Variants in STAT5B observed in about 807,000 individuals in gnomAD.
STAT5B encodes the protein transcription factor STAT5B.
In STAT5B, 21 loss-of-function variants were observed where a neutral mutation model predicts 107.8. The ratio of observed to expected loss-of-function variants is 0.19; its 90% CI spans 0.14 to 0.28. The LOEUF is 0.28. Among genes scored for constraint, STAT5B ranks in the 10% least tolerant of loss-of-function variants. The pLI is 1.00. For missense variants in STAT5B, 565 were observed against 1,008.2 expected (o/e 0.56, Z 5.95); for synonymous variants, 325 against 401.7 (o/e 0.81, Z 2.28).
intron 1 of STAT5B, among the ~76,000 whole-genome samples, chr17:42,251,941 GT>G (rs1230764409): frequency 1.3e-5 from 2 of 151,146 alleles, no homozygotes; most frequent in African/African-American, 4.9e-5. Flanking sequence ...GGAGGTTGCA[GT>G]GAGCCGAGAT....
chr17:42,277,468 C>T (rs2080775088), upstream of STAT5B, among the ~76,000 whole-genome samples: 3 of 152,196 alleles, frequency 2.0e-5, no homozygotes, highest in Non-Finnish European at 1.5e-5. Context: ...GCCTTCTCTT[C>T]ACCTCCAGAA....
At chr17:42,260,668 CCCCAAACTGG>C (rs1374560882) in intron 1 of STAT5B, among the ~76,000 whole-genome samples, 2 of 151,868 alleles carry the variant, frequency 1.3e-5, no homozygotes, top group African/African-American at 4.8e-5. Flanking sequence ...TGCTTTGGCT[CCCCAAACTGG>C]CCCAAAATAC....
chr17:42,265,796 T>C lies in STAT5B; in HGVS notation c.-11+10452A>G, dbSNP rs141303880. On this transcript the variant is annotated intron_variant, in intron 1 of 18. Coordinates refer to ENST00000293328, the MANE Select transcript of STAT5B (RefSeq NM_012448.4). ...TGCTCTTATTTTTCAATATTTTTAG[T>C]CTTCATAAATCTGTTAACTGAAAAA... Among the ~76,000 whole-genome samples the C allele has an allele frequency of 2.0e-3, 307 of 152,324 alleles. 1 individual carries two copies. The highest frequency in any genetic ancestry group is 7.1e-3 in the African/African-American group (297 of 41,570).
intron 1 of STAT5B, among the ~76,000 whole-genome samples, chr17:42,242,949 C>T (rs1272126470): frequency 6.6e-6 from 1 of 151,486 alleles, no homozygotes; most frequent in African/African-American, 2.4e-5. Context: ...GAGTCATCAC[C>T]ACTCCCTAAT....
At chr17:42,224,547 G>C (rs1452672828) in intron 4 of STAT5B, among the ~76,000 whole-genome samples, 5 of 152,034 alleles carry the variant, frequency 3.3e-5, no homozygotes, top group South Asian at 4.2e-4. Context: ...TCATCATGTT[G>C]CCCAGGGTGC....
chr17:42,216,692 C>CT (rs1189393108), intron 11 of STAT5B, among the ~76,000 whole-genome samples: 2,493 of 138,546 alleles, frequency 0.018, 76 homozygotes, highest in African/African-American at 0.058. Flanking sequence ...TTGTTCATGT[C>CT]TTTTTTTTTT....
chr17:42,273,183 T>C (rs2080734870), intron 1 of STAT5B, among the ~76,000 whole-genome samples: 1 of 151,816 alleles, frequency 6.6e-6, no homozygotes. Context: ...TTCCCAGAAA[T>C]AAGCATAAAA....
At chr17:42,262,362 G>A (rs992126503) in intron 1 of STAT5B, among the ~76,000 whole-genome samples, 1 of 152,160 alleles carries the variant, frequency 6.6e-6, no homozygotes, top group African/African-American at 2.4e-5. Flanking sequence ...GTCTTGCTAT[G>A]TTGTCCATGC....
At chr17:42,261,300 G>T (rs1038371695) in intron 1 of STAT5B, among the ~76,000 whole-genome samples, 2 of 152,140 alleles carry the variant, frequency 1.3e-5, no homozygotes, top group Non-Finnish European at 2.9e-5. Flanking sequence ...AAAAAGAAGA[G>T]AATGATTTAT....
At chr17:42,260,767 ATTTTAT>A (rs1465699659) in intron 1 of STAT5B, among the ~76,000 whole-genome samples, 1 of 152,116 alleles carries the variant, frequency 6.6e-6, no homozygotes, top group African/African-American at 2.4e-5. Flanking sequence ...GTTAAAATTA[ATTTTAT>A]TTTTACTTTT....
At chr17:42,265,431 T>C (rs984115289) in intron 1 of STAT5B, among the ~76,000 whole-genome samples, 3 of 146,764 alleles carry the variant, frequency 2.0e-5, no homozygotes, top group African/African-American at 7.9e-5. Flanking sequence ...AGTGCAGTAG[T>C]GTGATCTCGG....
At chr17:42,257,592 G>A (rs893758936) in intron 1 of STAT5B, among the ~76,000 whole-genome samples, 1 of 152,134 alleles carries the variant, frequency 6.6e-6, no homozygotes, top group African/African-American at 2.4e-5. Flanking sequence ...TTTATTTACA[G>A]GATAACTTTC....
intron 1 of STAT5B, among the ~76,000 whole-genome samples, chr17:42,236,464 C>T (rs534100409): frequency 3.3e-5 from 5 of 152,280 alleles, no homozygotes; most frequent in East Asian, 3.9e-4. Context: ...TTTTTTGAGA[C>T]GGAGTCTCAC....
intron 16 of STAT5B, among the ~76,000 whole-genome samples, chr17:42,204,462 C>A (rs1435538754): frequency 6.6e-6 from 1 of 152,232 alleles, no homozygotes; most frequent in East Asian, 1.9e-4. Flanking sequence ...TGAAACGCTG[C>A]AGGGTTCACC....
At position 42,216,026 on chromosome 17, in the gene STAT5B, A is replaced by C; in HGVS notation, c.1461T>G (p.Ala487=). 1 of 1,614,084 alleles carries C rather than the reference A, an allele frequency of 6.2e-7. No individual in the cohort carries two copies. Among genetic ancestry groups the C allele is most frequent in the Non-Finnish European group, 8.5e-7 (1 of 1,179,996 alleles). The change falls in exon 12 of 19, where the codon GCT becomes GCG. Residue 487 remains alanine (A), a synonymous_variant. Transcript: ENST00000293328. ...NATATVLWDN[A]FAEPGRVPFA... ...GGAATACACTCACAGGCTCTGCAAA[A>C]GCATTGTCCCAGAGAACAGTGGCCG...
At chr17:42,232,840 G>GTT (rs931007817) in intron 1 of STAT5B, among the ~76,000 whole-genome samples, 78 of 133,296 alleles carry the variant, frequency 5.9e-4, no homozygotes, top group Middle Eastern at 3.8e-3. Context: ...TTAGCAGAGA[G>GTT]TTTTTTTTTT....
chr17:42,224,539 A>G (rs548097321), intron 4 of STAT5B, among the ~76,000 whole-genome samples: 12 of 151,994 alleles, frequency 7.9e-5, no homozygotes, highest in African/African-American at 2.2e-4. Flanking sequence ...ACGGGGTTTC[A>G]TCATGTTGCC....
At chr17:42,273,752 A>G (rs1241961591) in intron 1 of STAT5B, among the ~76,000 whole-genome samples, 1 of 152,238 alleles carries the variant, frequency 6.6e-6, no homozygotes, top group East Asian at 1.9e-4. Flanking sequence ...ACCTACCTAC[A>G]TAACAACAAG....
At chr17:42,252,433 T>C (rs544884090) in intron 1 of STAT5B, among the ~76,000 whole-genome samples, 1 of 152,346 alleles carries the variant, frequency 6.6e-6, no homozygotes, top group Non-Finnish European at 1.5e-5. Context: ...CTGTAAGCCA[T>C]CCTGGAGCAA....
Sources: allele counts gnomAD v4.1 joint callset (sites outside exome capture counted in the v4.1 genomes callset), GRCh38; gene constraint gnomAD v4.1.1; transcripts MANE v1.5; gene names NCBI Gene and HGNC (gene_info 2026-07-23, HGNC 2026-07-21).